COL21A1: variants seen among roughly 807,000 people sequenced by gnomAD.
COL21A1 encodes the protein collagen alpha-1(XXI) chain.
In COL21A1, 149 loss-of-function variants were observed where a neutral mutation model predicts 137.9. The ratio of observed to expected loss-of-function variants is 1.08; its 90% CI spans 0.95 to 1.24. The LOEUF is 1.24. Among genes scored for constraint, COL21A1 ranks in the 50% most tolerant of loss-of-function variants. COL21A1 has a pLI of 0.00. For synonymous variants in COL21A1, 456 were observed against 391.5 expected (o/e 1.16, Z -1.95); for missense variants, 1,167 against 1,158.4 (o/e 1.01, Z -0.11).
chr6:56,334,028 T>TATGATAATATGGAGTTTCAGTA (rs59592166), intron 1 of COL21A1, among the ~76,000 whole-genome samples: 1 of 151,524 alleles, frequency 6.6e-6, no homozygotes, highest in Admixed American at 6.6e-5. Flanking sequence ...ATGCTTTGCA[T>TATGATAATATGGAGTTTCAGTA]ATGACAGTAT....
intron 1 of COL21A1, among the ~76,000 whole-genome samples, chr6:56,268,587 C>T (rs948483289): frequency 6.6e-6 from 1 of 152,204 alleles, no homozygotes; most frequent in African/African-American, 2.4e-5. Context: ...AAATAAAGAT[C>T]CTGTACTGAG....
chr6:56,159,588 C>T (rs1776039145), intron 9 of COL21A1, among the ~76,000 whole-genome samples: 1 of 151,820 alleles, frequency 6.6e-6, no homozygotes. Flanking sequence ...ACCTCTGCCT[C>T]CCAAAGTGTT....
intron 1 of COL21A1, among the ~76,000 whole-genome samples, chr6:56,193,758 T>G (rs1420295511): frequency 1.3e-5 from 2 of 150,718 alleles, no homozygotes; most frequent in Admixed American, 1.3e-4. Context: ...GGAGGTTTTT[T>G]TGTTTTTTTT....
intron 9 of COL21A1, 51 bp downstream of exon 9, chr6:56,164,372 C>A: frequency 8.5e-7 from 1 of 1,169,702 alleles, no homozygotes; most frequent in South Asian, 1.3e-5. Context: ...ATGGTTTACC[C>A]AGCTCTTGTT....
chr6:56,354,106 T>C (rs1001127936), intron 1 of COL21A1, among the ~76,000 whole-genome samples: 3 of 152,170 alleles, frequency 2.0e-5, no homozygotes, highest in Non-Finnish European at 2.9e-5. Flanking sequence ...AAATATAAAG[T>C]TGAGTAAAAG....
chr6:56,337,477 C>T (rs1040967047), intron 1 of COL21A1, among the ~76,000 whole-genome samples: 3 of 151,760 alleles, frequency 2.0e-5, no homozygotes, highest in African/African-American at 7.3e-5. Context: ...ATGCTTTAGA[C>T]CTTTGCGGTT....
intron 16 of COL21A1, among the ~76,000 whole-genome samples, chr6:56,121,845 C>T (rs1290001206): frequency 6.7e-6 from 1 of 149,968 alleles, no homozygotes; most frequent in Non-Finnish European, 1.5e-5. Context: ...AAGTAAATAG[C>T]TTTTTTTTTC....
Position 56,168,277 on chromosome 6 carries a change from C to T in COL21A1, c.1047G>A (p.Trp349Ter). 2.6e-6 allele frequency: 4 copies of T among 1,543,206 alleles called. No homozygotes were observed. Among genetic ancestry groups the T allele is most frequent in the South Asian group, 1.3e-5 (1 of 77,290 alleles). Residue 349 changes from tryptophan to a stop codon, truncating the protein, a stop_gained, in exon 6 of 30, where the codon TGG becomes TGA. Transcript: ENST00000244728. LOFTEE classifies it high-confidence loss of function. ...PQVKTLFDEGWHQIRLLVTEQ... is the reference protein window; with the variant it reads ...PQVKTLFDEG ...CTGTTACTAAGAGACGAATTTGGTG[C>T]CAGCCTTCATCAAACAACGTCTACA...
intron 1 of COL21A1, among the ~76,000 whole-genome samples, chr6:56,243,614 C>T (rs547238942): frequency 6.6e-6 from 1 of 152,148 alleles, no homozygotes; most frequent in Admixed American, 6.5e-5. Context: ...TTACTATGAG[C>T]CAGGCACTGT....
intron 1 of COL21A1, among the ~76,000 whole-genome samples, chr6:56,273,137 G>A (rs771630428): frequency 9.9e-5 from 15 of 152,080 alleles, no homozygotes; most frequent in Non-Finnish European, 1.9e-4. Context: ...TAATTTCTGG[G>A]TGAACATAAA....
rs4295484 is a variant in COL21A1, at chr6:56,100,848, C to T, written c.1812+624G>A. ...TGAACACTTTGTGATAAATGTGATA[C>T]AAATACACCTCAGCTATTACTTCAG... On this transcript the variant is annotated intron_variant, in intron 17 of 29. Coordinates refer to ENST00000244728, the MANE Select transcript of COL21A1 (RefSeq NM_030820.4). Among the ~76,000 whole-genome samples the T allele has an allele frequency of 2.6e-5, 4 of 152,190 alleles. No homozygotes were observed. The East Asian group carries it at 7.7e-4, about 29-fold the overall frequency.
chr6:56,128,977 G>T (rs1338822023), intron 12 of COL21A1, among the ~76,000 whole-genome samples: 2 of 152,106 alleles, frequency 1.3e-5, no homozygotes, highest in African/African-American at 4.8e-5. Flanking sequence ...TTTAATTTTA[G>T]TACAACTCTC....
At chr6:56,275,850 G>C (rs1406579445) in intron 1 of COL21A1, among the ~76,000 whole-genome samples, 1 of 152,170 alleles carries the variant, frequency 6.6e-6, no homozygotes, top group Non-Finnish European at 1.5e-5. Context: ...GCTACCATTT[G>C]ACCCAGCAAT....
At chr6:56,099,774 T>G (rs1203182772) in intron 17 of COL21A1, among the ~76,000 whole-genome samples, 3 of 152,082 alleles carry the variant, frequency 2.0e-5, no homozygotes, top group Non-Finnish European at 1.5e-5. Flanking sequence ...GTCTCATAAT[T>G]TTTCTTAAAT....
At chr6:56,352,006 C>T (rs1238434076) in intron 1 of COL21A1, among the ~76,000 whole-genome samples, 1 of 152,128 alleles carries the variant, frequency 6.6e-6, no homozygotes, top group African/African-American at 2.4e-5. Flanking sequence ...CAGTTGTACA[C>T]ACCTGTAGTC....
At position 56,156,945 on chromosome 6, in the gene COL21A1, T is replaced by A. The variant is rs1194057496; in HGVS notation, c.1376A>T (p.Asp459Val). The change falls in exon 10 of 30, where the codon GAC becomes GTC. Residue 459 changes from aspartate (D) to valine (V), a missense_variant. Transcript: ENST00000244728. The stretch of plus-strand genomic sequence containing the variant: ...GCCAGGGTTCCCAGGCAGTCCAGGG[T>A]CACCCTAAGCAGGAAGCAAACAAAC... ...GKPGLQGPKG[D>V]PGLPGNPGYP... The A allele has an allele frequency of 1.9e-6, 3 of 1,610,556 alleles. No homozygotes were observed. Among genetic ancestry groups the A allele is most frequent in the Non-Finnish European group, 2.5e-6 (3 of 1,178,530 alleles).
At chr6:56,354,101 T>C (rs2152347302) in intron 1 of COL21A1, among the ~76,000 whole-genome samples, 1 of 152,240 alleles carries the variant, frequency 6.6e-6, no homozygotes, top group South Asian at 2.1e-4. Flanking sequence ...TTCACAAATA[T>C]AAAGTTGAGT....
intron 3 of COL21A1, among the ~76,000 whole-genome samples, chr6:56,178,427 A>G (rs1426278035): frequency 1.3e-5 from 2 of 152,136 alleles, no homozygotes; most frequent in East Asian, 1.9e-4. Context: ...TCTCTTAAAT[A>G]TGAAAATTTA....
At chr6:56,082,256 A>G (rs1297285020) in intron 17 of COL21A1, among the ~76,000 whole-genome samples, 1 of 151,946 alleles carries the variant, frequency 6.6e-6, no homozygotes, top group East Asian at 1.9e-4. Flanking sequence ...CAGAGCCCAA[A>G]GGTCCAGGAA....
Sources: allele counts gnomAD v4.1 joint callset (sites outside exome capture counted in the v4.1 genomes callset), GRCh38; gene constraint gnomAD v4.1.1; transcripts MANE v1.5; gene names NCBI Gene and HGNC (gene_info 2026-07-23, HGNC 2026-07-21).